DOP1B: variants seen among roughly 807,000 people sequenced by gnomAD.
The protein encoded by DOP1B is DOP1 leucine zipper like protein B.
Under a neutral mutation model 233.5 loss-of-function variants are expected in DOP1B, and 174 were observed. The observed-to-expected ratio is 0.75, with a 90% CI of 0.66 to 0.85. The LOEUF (loss-of-function observed/expected upper bound fraction) is 0.85, where lower values mean the gene tolerates loss of function less well. DOP1B is among the 40% of genes least tolerant of loss of function. The pLI is 0.00. For missense variants in DOP1B, 2,652 were observed against 2,846.6 expected (o/e 0.93, Z 1.56); for synonymous variants, 1,190 against 1,185.6 (o/e 1.00, Z -0.08).
intron 9 of DOP1B, among the ~76,000 whole-genome samples, chr21:36,218,523 C>A (rs1281470647): frequency 1.3e-5 from 2 of 151,174 alleles, no homozygotes; most frequent in African/African-American, 2.4e-5. Flanking sequence ...ACTCTGTCTC[C>A]AAAAAAAATA....
chr21:36,225,812 G>C (rs2066676102), intron 12 of DOP1B, 145 bp downstream of exon 12: 1 of 847,814 alleles, frequency 1.2e-6, no homozygotes, highest in East Asian at 2.7e-5. Flanking sequence ...TGGCATAAAA[G>C]ATATAGCTGG....
chr21:36,236,690 C>T (rs2066830520), intron 15 of DOP1B, among the ~76,000 whole-genome samples: 1 of 152,146 alleles, frequency 6.6e-6, no homozygotes, highest in Non-Finnish European at 1.5e-5. Flanking sequence ...CGGCCAGAAA[C>T]CTCCAGGTTT....
At chr21:36,198,278 A>T (rs2123467154) in intron 2 of DOP1B, among the ~76,000 whole-genome samples, 1 of 151,062 alleles carries the variant, frequency 6.6e-6, no homozygotes, top group South Asian at 2.1e-4. Flanking sequence ...AAATACAAAA[A>T]ATTAGTCAGG....
chr21:36,209,050 C>A, intron 5 of DOP1B, 146 bp downstream of exon 5: 1 of 933,682 alleles, frequency 1.1e-6, no homozygotes, highest in South Asian at 2.3e-5. Flanking sequence ...AACGGCTGAG[C>A]AAGGCGAGAA....
Position 36,233,378 on chromosome 21 carries a change from A to G in DOP1B, c.2622+303A>G, listed in dbSNP as rs982810002. Among the ~76,000 whole-genome samples the G allele has an allele frequency of 3.3e-5, 5 of 152,140 alleles. No homozygotes were observed. The South Asian group carries it at 6.2e-4, about 19-fold the overall frequency. ...AGCCCATGACTCCTCCACTGCACTC[A>G]CCTGGATTTAGCCTCTGCCACATCC... On this transcript the variant is annotated intron_variant, in intron 15 of 36. Coordinates refer to ENST00000691173, the MANE Select transcript of DOP1B (RefSeq NM_001320714.2).
chr21:36,281,708 G>C (rs977178214), intron 32 of DOP1B, 97 bp downstream of exon 32: 4 of 1,191,574 alleles, frequency 3.4e-6, no homozygotes, highest in Non-Finnish European at 4.6e-6. Flanking sequence ...CACAGTTCTG[G>C]AGGCTGAGAA....
At chr21:36,238,836 C>G (rs970595227) in intron 17 of DOP1B, 135 bp downstream of exon 17, 1 of 820,434 alleles carries the variant, frequency 1.2e-6, no homozygotes, top group Admixed American at 2.2e-5. Context: ...GGTGTGGTGG[C>G]TCACGCCTGT....
intron 2 of DOP1B, among the ~76,000 whole-genome samples, chr21:36,174,242 C>G (rs1490658313): frequency 6.6e-6 from 1 of 152,172 alleles, no homozygotes; most frequent in Non-Finnish European, 1.5e-5. Context: ...AGTCCCAGCA[C>G]TTTGGGAGGC....
chr21:36,237,452 C>T, intron 16 of DOP1B, 38 bp downstream of exon 16: 1 of 1,610,968 alleles, frequency 6.2e-7, no homozygotes, highest in African/African-American at 1.3e-5. Context: ...CCTGCAGCAC[C>T]CCGGCCCCTG....
chr21:36,273,661 G>A (rs946829308), intron 27 of DOP1B, among the ~76,000 whole-genome samples: 46 of 152,118 alleles, frequency 3.0e-4, no homozygotes, highest in African/African-American at 1.1e-3. Context: ...CCTTGGCCAC[G>A]GGAGTGGGCT....
rs1248371308 is a variant in DOP1B, at chr21:36,237,319, A to G, written c.2680A>G (p.Thr894Ala). ...LNKETREHHV[T>A]CVELFYRLHC... Reference sequence around the variant, plus strand: ...CAAAGAGACCCGGGAGCATCACGTCACCTGCGTAGAATTGTTCTACCGGCT... The same window carrying G: ...CAAAGAGACCCGGGAGCATCACGTCGCCTGCGTAGAATTGTTCTACCGGCT... The change falls in exon 16 of 37, where the codon ACC becomes GCC. Residue 894 changes from threonine (T) to alanine (A), a missense_variant. Thr to Ala is a moderately conservative substitution (Grantham distance 58, BLOSUM62 0). Transcript: ENST00000691173. 1 of 1,614,086 alleles carries G rather than the reference A, an allele frequency of 6.2e-7. No homozygotes were observed. Among genetic ancestry groups the G allele is most frequent in the Non-Finnish European group, 8.5e-7 (1 of 1,180,016 alleles).
intron 4 of DOP1B, among the ~76,000 whole-genome samples, chr21:36,203,947 G>C (rs892537983): frequency 6.6e-6 from 1 of 151,360 alleles, no homozygotes; most frequent in Non-Finnish European, 1.5e-5. Flanking sequence ...AACAAGATTA[G>C]AACAGGGAAA....
intron 24 of DOP1B, 173 bp downstream of exon 24, chr21:36,260,905 C>A: frequency 7.0e-7 from 1 of 1,427,514 alleles, no homozygotes; most frequent in South Asian, 1.6e-5. Flanking sequence ...TTTTCCTTCT[C>A]CAGAGAGTTA....
In DOP1B at chr21:36,288,764, A is replaced by G; in HGVS notation, c.6306A>G (p.Thr2102=). The change falls in exon 34 of 37, where the codon ACA becomes ACG. Residue 2102 remains threonine (T), a synonymous_variant. Transcript: ENST00000691173. ...WPIMVSELIQ[T]FTQLEEDLKD... ...ATGCATTTTTTTTTCAGATTCAGAC[A>G]TTCACACAGCTTGAAGAAGATCTAA... 1 of 1,613,056 alleles carries G rather than the reference A, an allele frequency of 6.2e-7. No individual in the cohort carries two copies. The highest frequency in any genetic ancestry group is 1.1e-5 in the South Asian group (1 of 91,014).
At chr21:36,180,030 T>C (rs1055795520) in intron 2 of DOP1B, among the ~76,000 whole-genome samples, 11 of 152,152 alleles carry the variant, frequency 7.2e-5, no homozygotes, top group Admixed American at 6.6e-4. Context: ...TACTTTGTCA[T>C]GTGTTTATCT....
chr21:36,208,699 CCT>C lies in DOP1B; in HGVS notation c.492-10_492-9del, dbSNP rs1569021931. The C allele has an allele frequency of 6.2e-7, 1 of 1,610,266 alleles. No individual in the cohort carries two copies. The highest frequency in any genetic ancestry group is 1.7e-5 in the Admixed American group (1 of 59,626). On this transcript the variant is annotated splice_polypyrimidine_tract_variant and intron_variant, in intron 4 of 36. Transcript: ENST00000691173. ...GATGGGGCGAGCCCTTGAACCCTATCCTCTCTCATCAACAGAACGGATGCTCT... is the reference window on the plus strand; with the variant it reads ...GATGGGGCGAGCCCTTGAACCCTATCCTCTCATCAACAGAACGGATGCTCT...
intron 27 of DOP1B, among the ~76,000 whole-genome samples, chr21:36,276,048 G>A (rs2067346194): frequency 6.6e-6 from 1 of 150,656 alleles, no homozygotes; most frequent in Admixed American, 6.7e-5. Context: ...GTATGACAGT[G>A]GTGGAGCTGG....
At chr21:36,262,041 C>T in intron 24 of DOP1B, 2 of 868,928 alleles carry the variant, frequency 2.3e-6, no homozygotes, top group Non-Finnish European at 2.8e-6. Context: ...TTGATTCACA[C>T]AGTTAACATT....
At chr21:36,258,972 G>GTTTTT (rs551334908) in intron 23 of DOP1B, among the ~76,000 whole-genome samples, 2 of 116,056 alleles carry the variant, frequency 1.7e-5, no homozygotes, top group Non-Finnish European at 3.4e-5. Flanking sequence ...GCCTTTCACT[G>GTTTTT]TTTTTTTTTT....
Sources: allele counts gnomAD v4.1 joint callset (sites outside exome capture counted in the v4.1 genomes callset), GRCh38; gene constraint gnomAD v4.1.1; transcripts MANE v1.5; gene names NCBI Gene and HGNC (gene_info 2026-07-23, HGNC 2026-07-21).